The following SRGAP3 variants were observed in gnomAD, a reference collection of about 807,000 sequenced individuals.
The protein encoded by SRGAP3 is SLIT-ROBO Rho GTPase activating protein 3.
Under a neutral mutation model 121.1 loss-of-function variants are expected in SRGAP3, and 39 were observed. The ratio of observed to expected loss-of-function variants is 0.32; its 90% CI spans 0.25 to 0.42. SRGAP3 has a LOEUF of 0.42. Ranked by LOEUF, SRGAP3 falls within the 10% of genes least tolerant of loss-of-function variation. SRGAP3 has a pLI of 1.00. For missense variants in SRGAP3, 1,213 were observed against 1,470.6 expected (o/e 0.82, Z 2.86); for synonymous variants, 601 against 570.0 (o/e 1.05, Z -0.77).
chr3:9,287,032 C>T (rs915575066), intron 3 of SRGAP3, among the ~76,000 whole-genome samples: 2 of 131,292 alleles, frequency 1.5e-5, no homozygotes, highest in African/African-American at 6.0e-5. Flanking sequence ...AGCTCTGTCA[C>T]CCAGGCTGGA....
intron 18 of SRGAP3, among the ~76,000 whole-genome samples, chr3:8,995,262 A>G (rs1942321657): frequency 6.6e-6 from 1 of 152,102 alleles, no homozygotes; most frequent in African/African-American, 2.4e-5. Context: ...GCTTGAGTCC[A>G]GGAGTTTGAG....
intron 3 of SRGAP3, among the ~76,000 whole-genome samples, chr3:9,089,615 C>A (rs1383370469): frequency 6.9e-6 from 1 of 144,854 alleles, no homozygotes; most frequent in African/African-American, 2.6e-5. Context: ...CTGGGCCTTG[C>A]CCCAACTTAC....
chr3:9,180,348 G>A (rs1951338805), intron 1 of SRGAP3, among the ~76,000 whole-genome samples: 1 of 152,234 alleles, frequency 6.6e-6, no homozygotes, highest in Admixed American at 6.5e-5. Context: ...AAGAGTTACA[G>A]CAGGGTGAGC....
intron 18 of SRGAP3, chr3:9,008,174 A>AC (rs916735834): frequency 1.3e-5 from 2 of 152,260 alleles, no homozygotes; most frequent in Non-Finnish European, 2.9e-5. Context: ...GTGAACCTTT[A>AC]CCCTGAGAAG....
At chr3:9,311,001 C>T (rs1038426473) in intron 3 of SRGAP3, among the ~76,000 whole-genome samples, 1 of 151,984 alleles carries the variant, frequency 6.6e-6, no homozygotes, top group Admixed American at 6.6e-5. Flanking sequence ...GAAACCCCAT[C>T]TCTACTAAAA....
chr3:9,052,997 G>A, intron 9 of SRGAP3, 30 bp downstream of exon 9: 2 of 1,610,860 alleles, frequency 1.2e-6, no homozygotes, highest in African/African-American at 1.3e-5. Flanking sequence ...TTGGCCGACA[G>A]TGTGGTTCTG....
At position 9,202,170 on chromosome 3, in the gene SRGAP3, C is replaced by G. The variant is rs138607752; in HGVS notation, c.67+46715G>C. ...CTGCCTTTGATGCTTTTGAAGATGA[C>G]CAGACTAAGTCTTGAAATGTATCCA... On this transcript the variant is annotated intron_variant, in intron 1 of 21. Coordinates refer to ENST00000383836, the MANE Select transcript of SRGAP3 (RefSeq NM_014850.4). Among the ~76,000 whole-genome samples, 863 of 152,272 alleles carry G rather than the reference C, an allele frequency of 5.7e-3. 4 individuals are homozygous for G. Among genetic ancestry groups the G allele is most frequent in the Non-Finnish European group, 0.01 (709 of 68,022 alleles).
chr3:9,154,863 CTTT>C (rs55893707), intron 1 of SRGAP3, among the ~76,000 whole-genome samples: 6 of 143,350 alleles, frequency 4.2e-5, no homozygotes, highest in African/African-American at 7.6e-5. Context: ...CTCTCTAGAA[CTTT>C]TTTTTTTTTT....
At chr3:9,165,833 C>A (rs1000451063) in intron 1 of SRGAP3, among the ~76,000 whole-genome samples, 4 of 152,214 alleles carry the variant, frequency 2.6e-5, no homozygotes, top group Admixed American at 6.5e-5. Context: ...CTTCCTTGAA[C>A]CCTCAGCTAG....
Position 8,985,872 on chromosome 3 carries a change from T to C in SRGAP3, c.2947A>G (p.Thr983Ala), listed in dbSNP as rs1448154120. Residue 983 changes from threonine to alanine, a missense_variant, in exon 22 of 22, where the codon ACG becomes GCG. This residue lies in a region of SRGAP3 where 420 missense variants were observed against 437.7 expected (regional missense o/e 0.96). Coordinates refer to ENST00000383836, the MANE Select transcript of SRGAP3 (RefSeq NM_014850.4). The surrounding 1 kb of genome is among the most constrained non-coding windows in gnomAD (Gnocchi z 5.1). Reference sequence around the variant, plus strand: ...ACCACATCTGGCGCCTGCTTGACCGTGTTCTGCCTCTCGAGTTCCCGCAAC... The same window carrying C: ...ACCACATCTGGCGCCTGCTTGACCGCGTTCTGCCTCTCGAGTTCCCGCAAC... ...HELRELERQN[T>A]VKQAPDVVLD... 2 of 1,600,016 alleles carry C rather than the reference T, an allele frequency of 1.2e-6. No individual in the cohort carries two copies. Among genetic ancestry groups the C allele is most frequent in the Non-Finnish European group, 8.5e-7 (1 of 1,179,918 alleles).
In SRGAP3 at chr3:9,279,993, T is replaced by C. The variant is rs567834737; in HGVS notation, n.442+46017A>G. Among the ~76,000 whole-genome samples the C allele has an allele frequency of 8.5e-5, 13 of 152,322 alleles. 1 individual carries two copies. Among genetic ancestry groups the C allele is most frequent in the African/African-American group, 2.9e-4 (12 of 41,576 alleles). Reference sequence around the variant, plus strand: ...GCCCATAGCCAAAAGACCCAAGCTATTGGAGCCAGTGCCTCTGGCATTTGG... The same window carrying C: ...GCCCATAGCCAAAAGACCCAAGCTACTGGAGCCAGTGCCTCTGGCATTTGG... On this transcript the variant is annotated intron_variant and non_coding_transcript_variant, in intron 3 of 3. Transcript: ENST00000490889.
At chr3:9,118,528 G>A (rs888584772) in intron 2 of SRGAP3, among the ~76,000 whole-genome samples, 3 of 152,194 alleles carry the variant, frequency 2.0e-5, no homozygotes, top group African/African-American at 7.2e-5. Context: ...AGCTTGGAGA[G>A]GGCAGTGGAT....
intron 11 of SRGAP3, chr3:9,037,068 C>A (rs1944781776): frequency 6.6e-6 from 1 of 152,126 alleles, no homozygotes; most frequent in South Asian, 2.1e-4. Context: ...AACTCCCTTC[C>A]CAAGGAGCAG....
intron 1 of SRGAP3, among the ~76,000 whole-genome samples, chr3:9,200,047 C>A (rs931289955): frequency 1.3e-5 from 2 of 152,180 alleles, no homozygotes; most frequent in African/African-American, 4.8e-5. Context: ...CATTTAAATG[C>A]AAGTTGATTA....
Position 9,125,616 on chromosome 3 carries a change from A to T in SRGAP3, c.68-699T>A, listed in dbSNP as rs1206847383. Among the ~76,000 whole-genome samples, 6 of 152,226 alleles carry T rather than the reference A, an allele frequency of 3.9e-5. No individual in the cohort carries two copies. The East Asian group carries it at 1.2e-3, about 29-fold the overall frequency. On this transcript the variant is annotated intron_variant, in intron 1 of 21. Transcript: ENST00000383836. ...AGAAAATACTGATTGCTCAAACCAG[A>T]TCTACGCAACCAGGGCAACAATTCA... is the stretch of plus-strand genomic sequence containing the variant.
intron 1 of SRGAP3, among the ~76,000 whole-genome samples, chr3:9,227,694 G>A (rs150019103): frequency 2.9e-3 from 437 of 152,330 alleles, no homozygotes; most frequent in Admixed American, 7.8e-3. Flanking sequence ...TACTAAAAAT[G>A]CATTACGGTG....
chr3:9,258,928 C>T (rs773602189), intron 3 of SRGAP3, among the ~76,000 whole-genome samples: 22 of 152,162 alleles, frequency 1.4e-4, no homozygotes, highest in African/African-American at 2.2e-4. Context: ...AATAATTTCC[C>T]GTGGGCAGCC....
intron 6 of SRGAP3, 180 bp downstream of exon 6, chr3:9,060,051 G>A (rs900944700): frequency 8.4e-6 from 8 of 954,028 alleles, no homozygotes; most frequent in African/African-American, 3.2e-5. Flanking sequence ...TAGACACCAC[G>A]AGGTAACATT....
chr3:9,351,619 C>T (rs755311370), intron 1 of SRGAP3, among the ~76,000 whole-genome samples: 20 of 152,168 alleles, frequency 1.3e-4, no homozygotes, highest in South Asian at 6.2e-4. Flanking sequence ...ATGCATGGAC[C>T]GCATATACAA....
Sources: allele counts gnomAD v4.1 joint callset (sites outside exome capture counted in the v4.1 genomes callset), GRCh38; gene constraint gnomAD v4.1.1; regional missense constraint gnomAD v4.1.1; non-coding constraint Gnocchi (gnomAD v3.1); transcripts MANE v1.5; gene names NCBI Gene and HGNC (gene_info 2026-07-23, HGNC 2026-07-21).